AR: variants seen among roughly 807,000 people sequenced by gnomAD.
The protein encoded by AR is dihydrotestosterone receptor.
A neutral mutation model predicts 53.9 loss-of-function variants in AR; 8 were observed. The observed-to-expected ratio is 0.15, with a 90% CI of 0.09 to 0.27. AR has a LOEUF of 0.27. Ranked by LOEUF, AR falls within the 10% of genes least tolerant of loss-of-function variation. The pLI is 1.00. For missense variants in AR, 639 were observed against 742.5 expected (o/e 0.86, Z 1.62); for synonymous variants, 359 against 316.4 (o/e 1.13, Z -1.43).
chrX:67,709,931 C>CAAGG (rs2076086693), intron 3 of AR, among the ~76,000 whole-genome samples: 1 of 111,893 alleles, frequency 8.9e-6, no homozygotes, highest in African/African-American at 3.3e-5. Flanking sequence ...AAACCCCATT[C>CAAGG]CCATATGATG....
intron 1 of AR, among the ~76,000 whole-genome samples, chrX:67,629,099 T>C (rs1343992244): frequency 2.7e-5 from 3 of 111,525 alleles, no homozygotes; most frequent in African/African-American, 9.8e-5. Flanking sequence ...TAAAATTCTC[T>C]TTTTTGGTTG....
In AR at chrX:67,725,370, T is replaced by A. The variant is rs1602281364; in HGVS notation, c.*1529T>A. The A allele has an allele frequency of 1.1e-5, 2 of 175,770 alleles. No individual in the cohort carries two copies. Among genetic ancestry groups the A allele is most frequent in the East Asian group, 1.6e-4 (2 of 12,420 alleles). The allele number at this position is 175,770 out of a possible 1,213,427, so 14.5% of individuals were successfully genotyped here. On this transcript the variant is annotated 3_prime_UTR_variant, in exon 8 of 8. Coordinates refer to ENST00000374690, the MANE Select transcript of AR (RefSeq NM_000044.6). ...GCGTCTTGCCCTTGTCCCCCAGAGATGATACCCTCCCAGCAAGTGGAGAAG... is the reference window on the plus strand; with the variant it reads ...GCGTCTTGCCCTTGTCCCCCAGAGAAGATACCCTCCCAGCAAGTGGAGAAG...
intron 1 of AR, among the ~76,000 whole-genome samples, chrX:67,609,122 C>A (rs1369599113): frequency 1.8e-5 from 2 of 111,219 alleles, no homozygotes; most frequent in Non-Finnish European, 3.8e-5. Flanking sequence ...ATGTGCCAGA[C>A]TGTACTATAT....
chrX:67,617,479 G>T (rs1026811180), intron 1 of AR, among the ~76,000 whole-genome samples: 3 of 111,369 alleles, frequency 2.7e-5, no homozygotes, highest in African/African-American at 9.8e-5. Context: ...GAAGTGTTGT[G>T]CATATTGTTG....
chrX:67,610,194 T>C (rs749273554), intron 1 of AR, among the ~76,000 whole-genome samples: 12 of 111,219 alleles, frequency 1.1e-4, no homozygotes, highest in Non-Finnish European at 1.9e-4. Context: ...GTCTTGGGCC[T>C]GGTGCTTGAG....
At chrX:67,564,779 A>AT (rs1035158835) in intron 1 of AR, among the ~76,000 whole-genome samples, 6 of 111,186 alleles carry the variant, frequency 5.4e-5, no homozygotes, top group Middle Eastern at 4.7e-3. Flanking sequence ...AAGTGAAATA[A>AT]TTTTTTTTCT....
intron 1 of AR, among the ~76,000 whole-genome samples, chrX:67,609,265 G>C (rs752450221): frequency 9.0e-5 from 10 of 111,272 alleles, no homozygotes; most frequent in Non-Finnish European, 1.9e-4. Context: ...TTCAAAAGTG[G>C]AGTTATTAGG....
In AR at chrX:67,704,702, T is replaced by C. The variant is rs768811360; in HGVS notation, c.1886-6700T>C. Among the ~76,000 whole-genome samples, 4 of 112,175 alleles carry C rather than the reference T, an allele frequency of 3.6e-5. No individual in the cohort carries two copies. The South Asian group carries it at 1.5e-3, about 42-fold the overall frequency. ...TTTGTTGCCATTGCTTTTGGTGTTT[T>C]AGACATGAAGTCCTTGCCGGTGCCT... is the stretch of plus-strand genomic sequence containing the variant. On this transcript the variant is annotated intron_variant, in intron 3 of 7. Transcript: ENST00000374690.
intron 1 of AR, among the ~76,000 whole-genome samples, chrX:67,573,927 T>C (rs1365275568): frequency 8.9e-6 from 1 of 112,290 alleles, no homozygotes; most frequent in Non-Finnish European, 1.9e-5. Flanking sequence ...CAGCACCACC[T>C]AAATTCATCT....
Position 67,545,080 on chromosome X carries a change from C to T in AR, c.-67C>T. 8.8e-7 allele frequency: 1 copy of T among 1,134,247 alleles called. No homozygotes were observed. The highest frequency in any genetic ancestry group is 1.2e-6 in the Non-Finnish European group (1 of 857,259). 93.5% of individuals were successfully genotyped at this position (1,134,247 alleles called of 1,213,427 possible). A position where few individuals can be genotyped will look rare whatever the true frequency, so the allele number is the denominator to read the frequency against. ...TACCGCATCATCACAGCCTGTTGAA[C>T]TCTTCTGAGCAAGAGAAGGGGAGGC... is the stretch of plus-strand genomic sequence containing the variant. On this transcript the variant is annotated 5_prime_UTR_variant, in exon 1 of 8. Transcript: ENST00000374690.
chrX:67,680,657 T>G, intron 2 of AR: 2 of 327,254 alleles, frequency 6.1e-6, no homozygotes, highest in South Asian at 2.7e-5. Context: ...TTTCTTTGTT[T>G]GCATAATGTG....
intron 3 of AR, among the ~76,000 whole-genome samples, chrX:67,694,268 C>A (rs1313291515): frequency 1.8e-5 from 2 of 110,584 alleles, no homozygotes; most frequent in African/African-American, 6.6e-5. Context: ...AACAAGTAGT[C>A]TTTCTTGGTC....
At chrX:67,595,651 C>CA (rs10706297) in intron 1 of AR, among the ~76,000 whole-genome samples, 11 of 91,909 alleles carry the variant, frequency 1.2e-4, no homozygotes, top group Admixed American at 4.9e-4. Flanking sequence ...CAAAAATATA[C>CA]AAAAAAAAAA....
chrX:67,592,600 C>T (rs1429725079), intron 1 of AR, among the ~76,000 whole-genome samples: 3 of 103,387 alleles, frequency 2.9e-5, no homozygotes, highest in Non-Finnish European at 5.9e-5. Context: ...GTCATGTGCC[C>T]TATTGATTTC....
intron 2 of AR, among the ~76,000 whole-genome samples, chrX:67,646,723 A>G (rs760660620): frequency 1.2e-4 from 13 of 111,319 alleles, no homozygotes; most frequent in Non-Finnish European, 2.3e-4. Flanking sequence ...CCTTGTTTGT[A>G]AAACAACGGA....
chrX:67,616,888 GGT>G (rs1489167414), intron 1 of AR, among the ~76,000 whole-genome samples: 1 of 111,094 alleles, frequency 9.0e-6, no homozygotes, highest in Non-Finnish European at 1.9e-5. Flanking sequence ...CAAAGCGCCT[GGT>G]GCTCCTGATC....
intron 3 of AR, among the ~76,000 whole-genome samples, chrX:67,704,622 T>G (rs1451088258): frequency 1.2e-4 from 14 of 112,078 alleles, no homozygotes; most frequent in Non-Finnish European, 2.4e-4. Flanking sequence ...TGGTAGTTTC[T>G]TTTGCTGTGT....
intron 2 of AR, among the ~76,000 whole-genome samples, chrX:67,646,851 T>C (rs1211761050): frequency 9.0e-6 from 1 of 110,935 alleles, no homozygotes; most frequent in Non-Finnish European, 1.9e-5. Context: ...CCTGCATAAG[T>C]TTTTGGTCTT....
At chrX:67,679,838 A>C (rs1320901698) in intron 2 of AR, among the ~76,000 whole-genome samples, 1 of 111,800 alleles carries the variant, frequency 8.9e-6, no homozygotes, top group African/African-American at 3.2e-5. Flanking sequence ...GCTAATAATT[A>C]TTCTTAGTTT....
Sources: allele counts gnomAD v4.1 joint callset (sites outside exome capture counted in the v4.1 genomes callset), GRCh38; gene constraint gnomAD v4.1.1; transcripts MANE v1.5; gene names NCBI Gene and HGNC (gene_info 2026-07-23, HGNC 2026-07-21).